Variants in HNF4A observed in about 807,000 individuals in gnomAD.
HNF4A encodes hepatocyte nuclear factor 4-alpha.
In HNF4A, 15 loss-of-function variants were observed where a neutral mutation model predicts 52.4. The observed-to-expected ratio is 0.29, with a 90% CI of 0.19 to 0.44. The LOEUF is 0.44. Ranked by LOEUF, HNF4A falls within the 20% of genes least tolerant of loss-of-function variation. HNF4A has a pLI of 1.00. For synonymous variants in HNF4A, 280 were observed against 264.4 expected (o/e 1.06, Z -0.57); for missense variants, 479 against 647.2 (o/e 0.74, Z 2.82).
chr20:44,355,849 T>G (rs1045158502), exon 1 of HNF4A: 12 of 1,611,410 alleles, frequency 7.4e-6, no homozygotes, highest in African/African-American at 1.3e-5. Flanking sequence ...TGGAGAGTTC[T>G]TACGGTAAGT....
intron 1 of HNF4A, among the ~76,000 whole-genome samples, chr20:44,359,949 G>A (rs1331574423): frequency 1.3e-5 from 2 of 152,184 alleles, no homozygotes; most frequent in Non-Finnish European, 2.9e-5. Flanking sequence ...GCATATCTGT[G>A]TGCTAACCTG....
chr20:44,386,237 G>A (rs950010024), intron 1 of HNF4A, among the ~76,000 whole-genome samples: 2 of 142,144 alleles, frequency 1.4e-5, no homozygotes, highest in Non-Finnish European at 3.0e-5. Flanking sequence ...GCACGATCCC[G>A]GCTCACCACA....
At chr20:44,362,701 A>G (rs1344102150) in intron 1 of HNF4A, among the ~76,000 whole-genome samples, 1 of 152,178 alleles carries the variant, frequency 6.6e-6, no homozygotes, top group Non-Finnish European at 1.5e-5. Context: ...GTTTCCCTGC[A>G]TCGCCTTGCA....
In HNF4A at chr20:44,431,804, C is replaced by G. The variant is rs1287772708; in HGVS notation, c.*2139C>G. The G allele has an allele frequency of 6.6e-6, 1 of 152,258 alleles. No homozygotes were observed. Among genetic ancestry groups the G allele is most frequent in the African/African-American group, 2.4e-5 (1 of 41,408 alleles). The allele number at this position is 152,258 out of a possible 1,614,324, so 9.4% of individuals were successfully genotyped here. ...TGGTTGGAGGCAGTGCCCCAGTGCC[C>G]AGAAATCCCACCATTAGTGATTGTT... On this transcript the variant is annotated 3_prime_UTR_variant, in exon 10 of 10. Transcript: ENST00000316099.
chr20:44,399,101 C>T (rs1453326640), upstream of HNF4A, among the ~76,000 whole-genome samples: 1 of 152,178 alleles, frequency 6.6e-6, no homozygotes, highest in East Asian at 1.9e-4. Context: ...TCTGTTTCTT[C>T]CCACCTCTGC....
At chr20:44,376,797 T>A (rs1291564419) in intron 1 of HNF4A, among the ~76,000 whole-genome samples, 2 of 152,200 alleles carry the variant, frequency 1.3e-5, no homozygotes, top group Non-Finnish European at 2.9e-5. Flanking sequence ...CTGGAAAATT[T>A]ATTTAAATGA....
intron 1 of HNF4A, among the ~76,000 whole-genome samples, chr20:44,375,453 TGGA>T (rs1014186013): frequency 5.9e-5 from 9 of 152,246 alleles, no homozygotes; most frequent in African/African-American, 2.2e-4. Flanking sequence ...GCGATTGCTT[TGGA>T]GGATTTAGTC....
At position 44,385,442 on chromosome 20, in the gene HNF4A, C is replaced by A. The variant is rs371748320; in HGVS notation, c.50-20616C>A. Among the ~76,000 whole-genome samples the A allele has an allele frequency of 3.9e-5, 6 of 151,942 alleles. No homozygotes were observed. The South Asian group carries it at 1.2e-3, about 32-fold the overall frequency. On this transcript the variant is annotated intron_variant, in intron 1 of 9. Coordinates refer to the HNF4A transcript ENST00000316673. ...GCCTGGACAACATAGCAAGACACCT[C>A]CCCCCGTCTCTATTTTTTAATTAAT... is the stretch of plus-strand genomic sequence containing the variant.
chr20:44,358,368 G>C (rs935760676), intron 1 of HNF4A, among the ~76,000 whole-genome samples: 1 of 152,142 alleles, frequency 6.6e-6, no homozygotes, highest in African/African-American at 2.4e-5. Flanking sequence ...CCAGCACTTT[G>C]GGAGGCTGAG....
At chr20:44,422,452 C>T (rs1466647385) in intron 7 of HNF4A, among the ~76,000 whole-genome samples, 1 of 152,050 alleles carries the variant, frequency 6.6e-6, no homozygotes. Flanking sequence ...GTGGAGACAG[C>T]CCACTAGAAA....
chr20:44,385,877 T>A (rs1311668383), intron 1 of HNF4A, among the ~76,000 whole-genome samples: 1 of 148,158 alleles, frequency 6.7e-6, no homozygotes, highest in Admixed American at 6.7e-5. Context: ...TTGTTTTTTT[T>A]AAGGCAGGGT....
At chr20:44,427,020 G>T (rs527406612) in intron 8 of HNF4A, among the ~76,000 whole-genome samples, 1 of 152,320 alleles carries the variant, frequency 6.6e-6, no homozygotes, top group Non-Finnish European at 1.5e-5. Flanking sequence ...TCTCAACATT[G>T]GTACTATTGA....
chr20:44,390,516 A>G, intron 1 of HNF4A: 4 of 670,470 alleles, frequency 6.0e-6, no homozygotes, highest in Non-Finnish European at 1.1e-5. Context: ...TGTGACCAGT[A>G]TTAAGGGATT....
chr20:44,391,725 CAA>C (rs1244744776), intron 1 of HNF4A, among the ~76,000 whole-genome samples: 3 of 152,162 alleles, frequency 2.0e-5, no homozygotes, highest in Non-Finnish European at 4.4e-5. Context: ...ATGAACCAAA[CAA>C]GATACAGAAC....
intron 1 of HNF4A, among the ~76,000 whole-genome samples, chr20:44,388,278 C>T (rs8123164): frequency 0.43 from 64,648 of 149,446 alleles, 16,306 homozygotes; most frequent in African/African-American, 0.69. Flanking sequence ...ATGGGTATGA[C>T]ATTTACTGAT....
intron 1 of HNF4A, among the ~76,000 whole-genome samples, chr20:44,381,299 G>A (rs986184480): frequency 2.8e-4 from 14 of 50,328 alleles, no homozygotes; most frequent in Non-Finnish European, 5.0e-4. Flanking sequence ...TTTTTTTTTT[G>A]AGACAGAGTT....
chr20:44,367,864 C>T (rs1469208226), intron 1 of HNF4A, among the ~76,000 whole-genome samples: 2 of 151,750 alleles, frequency 1.3e-5, no homozygotes, highest in African/African-American at 4.8e-5. Flanking sequence ...AAAACAAAGT[C>T]TCAGAGAGAC....
chr20:44,369,269 A>C (rs987347908), intron 1 of HNF4A, among the ~76,000 whole-genome samples: 5 of 148,674 alleles, frequency 3.4e-5, no homozygotes, highest in East Asian at 2.0e-4. Context: ...AAAAAAAAAA[A>C]AAAAAAAAAC....
chr20:44,378,929 AAAAAAGAAAAG>A (rs1267058400), intron 1 of HNF4A, among the ~76,000 whole-genome samples: 12 of 151,554 alleles, frequency 7.9e-5, no homozygotes, highest in African/African-American at 2.9e-4. Flanking sequence ...AAAAAAAAAA[AAAAAAGAAAAG>A]AAAAGAAAAG....
Sources: gnomAD v4.1 joint callset for allele counts (sites outside exome capture counted in the v4.1 genomes callset) on GRCh38, gnomAD v4.1.1 for gene constraint, MANE v1.5 for transcripts, NCBI Gene and HGNC (gene_info 2026-07-23, HGNC 2026-07-21) for gene names.